Variants in MECOM observed in about 807,000 individuals in gnomAD.
MECOM encodes the protein histone-lysine N-methyltransferase MECOM.
A neutral mutation model predicts 116.3 loss-of-function variants in MECOM; 13 were observed. The ratio of observed to expected loss-of-function variants is 0.11; its 90% CI spans 0.07 to 0.18. MECOM has a LOEUF of 0.18. Ranked by LOEUF, MECOM falls within the 10% of genes least tolerant of loss-of-function variation. The probability of loss-of-function intolerance (pLI) is 1.00; values close to 1 mark genes in which losing one functional copy is unlikely to be tolerated. For missense variants in MECOM, 1,299 were observed against 1,509.0 expected (o/e 0.86, Z 2.31); for synonymous variants, 528 against 535.2 (o/e 0.99, Z 0.19).
chr3:169,288,077 G>A (rs574936325), intron 2 of MECOM, among the ~76,000 whole-genome samples: 1 of 152,234 alleles, frequency 6.6e-6, no homozygotes, highest in African/African-American at 2.4e-5. Context: ...CTACCTCAGT[G>A]GTGATATAAA....
chr3:169,194,206 T>C (rs1306727673), intron 2 of MECOM, among the ~76,000 whole-genome samples: 4 of 151,968 alleles, frequency 2.6e-5, no homozygotes, highest in Non-Finnish European at 5.9e-5. Flanking sequence ...TATAAAAAAA[T>C]CTTAAAAAAT....
intron 2 of MECOM, among the ~76,000 whole-genome samples, chr3:169,309,076 C>T (rs1300004173): frequency 1.3e-5 from 2 of 152,046 alleles, no homozygotes; most frequent in African/African-American, 4.8e-5. Context: ...GGACAGAAGC[C>T]AAAAATAATA....
At chr3:169,441,673 G>A (rs1052443423) in intron 1 of MECOM, among the ~76,000 whole-genome samples, 1 of 151,520 alleles carries the variant, frequency 6.6e-6, no homozygotes, top group African/African-American at 2.4e-5. Context: ...TGGCAGATGG[G>A]AATATCAGAA....
At chr3:169,195,767 C>T (rs1259313289) in intron 2 of MECOM, among the ~76,000 whole-genome samples, 1 of 151,952 alleles carries the variant, frequency 6.6e-6, no homozygotes, top group African/African-American at 2.4e-5. Context: ...GGGAACAGAA[C>T]CTACTGGGAT....
chr3:169,484,066 A>G, intron 1 of MECOM: 1 of 1,030,968 alleles, frequency 9.7e-7, no homozygotes, highest in Non-Finnish European at 1.5e-6. Flanking sequence ...ACCTATAGCT[A>G]CCAGGCATTT....
At chr3:169,103,843 C>T (rs144290985) in intron 10 of MECOM, among the ~76,000 whole-genome samples, 2 of 152,286 alleles carry the variant, frequency 1.3e-5, no homozygotes, top group Non-Finnish European at 2.9e-5. Context: ...GTGTTTGATT[C>T]TTCAAGTGAC....
chr3:169,504,831 G>A lies in MECOM; in HGVS notation c.38-123307C>T, dbSNP rs117921427. On this transcript the variant is annotated intron_variant, in intron 1 of 16. Coordinates refer to ENST00000651503, the MANE Select transcript of MECOM (RefSeq NM_004991.4). ...AAAGAAATCCCCCGCAAAGTGATTC[G>A]TGGCCAAAATAATTGCTGTAGCTAT... is the stretch of plus-strand genomic sequence containing the variant. 1.5e-4 allele frequency among the ~76,000 whole-genome samples: 23 copies of A among 152,234 alleles called. No homozygotes were observed. The East Asian group carries it at 1.9e-3, about 13-fold the overall frequency.
At chr3:169,241,019 C>G (rs914170322) in intron 2 of MECOM, among the ~76,000 whole-genome samples, 1 of 152,124 alleles carries the variant, frequency 6.6e-6, no homozygotes, top group Non-Finnish European at 1.5e-5. Flanking sequence ...TATAAAGTGT[C>G]TACATTGCAA....
At chr3:169,436,438 CG>C (rs1250577667) in intron 1 of MECOM, among the ~76,000 whole-genome samples, 2 of 151,814 alleles carry the variant, frequency 1.3e-5, no homozygotes, top group Non-Finnish European at 2.9e-5. Flanking sequence ...TCATTAGAGA[CG>C]GGGTTTCTCT....
At chr3:169,514,816 G>C (rs747491707) in intron 1 of MECOM, among the ~76,000 whole-genome samples, 7 of 152,032 alleles carry the variant, frequency 4.6e-5, no homozygotes, top group Admixed American at 4.6e-4. Context: ...TATGTGTCAC[G>C]CTTTAAAACA....
In MECOM at chr3:169,663,501, T is replaced by A; in HGVS notation, c.-129A>T. On this transcript the variant is annotated 5_prime_UTR_variant, in exon 1 of 17. Coordinates refer to ENST00000651503, the MANE Select transcript of MECOM (RefSeq NM_004991.4). ...CTCTCTCTCTCTCTCTCTCTCTCTCTCTCTCTCTCTCTCTCTCTCTCTCTC... is the reference window on the plus strand; with the variant it reads ...CTCTCTCTCTCTCTCTCTCTCTCTCACTCTCTCTCTCTCTCTCTCTCTCTC... The A allele has an allele frequency of 3.1e-6, 2 of 655,538 alleles. No individual in the cohort carries two copies. The highest frequency in any genetic ancestry group is 5.4e-6 in the Non-Finnish European group (2 of 372,006). The allele number at this position is 655,538 out of a possible 1,614,324, so 40.6% of individuals were successfully genotyped here.
chr3:169,217,457 A>G (rs893680847), intron 2 of MECOM, among the ~76,000 whole-genome samples: 2 of 152,290 alleles, frequency 1.3e-5, no homozygotes, highest in Non-Finnish European at 2.9e-5. Context: ...CACAATTAAC[A>G]TAACCTCACT....
chr3:169,446,305 T>TC (rs1744619018), intron 1 of MECOM, among the ~76,000 whole-genome samples: 1 of 152,096 alleles, frequency 6.6e-6, no homozygotes, highest in African/African-American at 2.4e-5. Flanking sequence ...GGCCAGTCTT[T>TC]CCCTTGCTAC....
At chr3:169,146,560 CGT>C (rs750863082) in intron 2 of MECOM, 50 of 1,376,124 alleles carry the variant, frequency 3.6e-5, no homozygotes, top group Non-Finnish European at 4.8e-6. Context: ...GGCTTAGCAA[CGT>C]AGATAAGCAG....
chr3:169,083,730 A>G lies in MECOM; in HGVS notation c.*1179T>C. 1 of 207,382 alleles carries G rather than the reference A, an allele frequency of 4.8e-6. No homozygotes were observed. Among genetic ancestry groups the G allele is most frequent in the Middle Eastern group, 1.6e-3 (1 of 642 alleles). The allele number at this position is 207,382 out of a possible 1,614,324, so 12.8% of individuals were successfully genotyped here. ...TTCTCTCTTTTAACATAAGGTTGGG[A>G]ACACTTCATTTTACAAATAGGATTA... On this transcript the variant is annotated 3_prime_UTR_variant, in exon 17 of 17. Transcript: ENST00000651503.
At chr3:169,095,300 A>G in intron 12 of MECOM, 55 bp from the exon 13 acceptor site, 1 of 1,470,530 alleles carries the variant, frequency 6.8e-7, no homozygotes, top group Admixed American at 2.1e-5. Context: ...GTATTTCTCA[A>G]GACTAGTTAG....
At chr3:169,448,751 ACT>A (rs1416726933) in intron 1 of MECOM, among the ~76,000 whole-genome samples, 1 of 151,872 alleles carries the variant, frequency 6.6e-6, no homozygotes, top group East Asian at 1.9e-4. Flanking sequence ...CATCTCAACT[ACT>A]CTTGATTATT....
chr3:169,420,243 C>T (rs1739475420), intron 1 of MECOM, among the ~76,000 whole-genome samples: 1 of 152,138 alleles, frequency 6.6e-6, no homozygotes, highest in African/African-American at 2.4e-5. Flanking sequence ...CAATCAACTA[C>T]TGTTGGGCAA....
intron 2 of MECOM, among the ~76,000 whole-genome samples, chr3:169,156,469 C>G (rs1742008381): frequency 6.6e-6 from 1 of 152,044 alleles, no homozygotes; most frequent in Non-Finnish European, 1.5e-5. Context: ...AAAGTCCCCA[C>G]AAAACAGTCA....
Sources: allele counts gnomAD v4.1 joint callset (sites outside exome capture counted in the v4.1 genomes callset), GRCh38; gene constraint gnomAD v4.1.1; transcripts MANE v1.5; gene names NCBI Gene and HGNC (gene_info 2026-07-23, HGNC 2026-07-21).